The following DNM3 variants were observed in gnomAD, a reference collection of about 807,000 sequenced individuals.
The protein encoded by DNM3 is dynamin-3.
Under a neutral mutation model 101.6 loss-of-function variants are expected in DNM3, and 47 were observed. The ratio of observed to expected loss-of-function variants is 0.46; its 90% CI spans 0.37 to 0.59. The LOEUF (loss-of-function observed/expected upper bound fraction) is 0.59, where lower values mean the gene tolerates loss of function less well. DNM3 is among the 20% of genes least tolerant of loss of function. The pLI is 0.00. For synonymous variants in DNM3, 385 were observed against 387.9 expected (o/e 0.99, Z 0.09); for missense variants, 849 against 1,085.7 (o/e 0.78, Z 3.06).
chr1:172,104,115 T>C (rs550528232), intron 13 of DNM3, among the ~76,000 whole-genome samples: 1 of 152,356 alleles, frequency 6.6e-6, no homozygotes, highest in East Asian at 1.9e-4. Context: ...TATTATTTTC[T>C]TATTGATTTT....
chr1:172,119,535 A>G (rs2056163582), intron 13 of DNM3, among the ~76,000 whole-genome samples: 1 of 152,056 alleles, frequency 6.6e-6, no homozygotes, highest in South Asian at 2.1e-4. Context: ...CTCCTCCCAG[A>G]CATTGCACGT....
intron 20 of DNM3, among the ~76,000 whole-genome samples, chr1:172,406,231 C>A (rs1162092636): frequency 6.6e-6 from 1 of 151,918 alleles, no homozygotes; most frequent in Non-Finnish European, 1.5e-5. Flanking sequence ...TGAAGTAAGT[C>A]TTAAATGATT....
At chr1:172,323,602 A>C (rs2065821897) in intron 17 of DNM3, among the ~76,000 whole-genome samples, 1 of 152,202 alleles carries the variant, frequency 6.6e-6, no homozygotes. Flanking sequence ...ATAAGGAAAG[A>C]GCTCCCACAC....
chr1:171,966,393 C>CA (rs1170320454), intron 2 of DNM3, among the ~76,000 whole-genome samples: 1 of 151,700 alleles, frequency 6.6e-6, no homozygotes, highest in Non-Finnish European at 1.5e-5. Context: ...CCTTCATGGG[C>CA]AGAGGGTGGG....
At chr1:172,276,255 C>A (rs1466730702) in intron 15 of DNM3, among the ~76,000 whole-genome samples, 1 of 151,904 alleles carries the variant, frequency 6.6e-6, no homozygotes, top group Non-Finnish European at 1.5e-5. Context: ...CAAAAAGAAA[C>A]AAATGGTAAA....
chr1:171,987,284 AG>A, intron 2 of DNM3: 2 of 984,888 alleles, frequency 2.0e-6, no homozygotes, highest in Non-Finnish European at 2.4e-6. Flanking sequence ...GATACTGAAG[AG>A]GGGAATGCTA....
intron 13 of DNM3, among the ~76,000 whole-genome samples, chr1:172,115,080 C>T (rs1306902582): frequency 1.3e-5 from 2 of 152,156 alleles, no homozygotes; most frequent in Non-Finnish European, 2.9e-5. Flanking sequence ...CATTTGTATC[C>T]ATATGAAACA....
At chr1:172,292,850 A>C (rs959684168) in intron 15 of DNM3, among the ~76,000 whole-genome samples, 1 of 152,208 alleles carries the variant, frequency 6.6e-6, no homozygotes, top group Non-Finnish European at 1.5e-5. Context: ...GACCCTCCCA[A>C]AAAATGACTA....
At chr1:171,995,689 G>C (rs2045951476) in intron 4 of DNM3, among the ~76,000 whole-genome samples, 1 of 152,090 alleles carries the variant, frequency 6.6e-6, no homozygotes, top group Non-Finnish European at 1.5e-5. Context: ...TTACCCTGTT[G>C]GTCTTCAGGA....
chr1:171,956,314 A>G (rs183424477), intron 2 of DNM3, among the ~76,000 whole-genome samples: 1 of 152,362 alleles, frequency 6.6e-6, no homozygotes, highest in East Asian at 1.9e-4. Flanking sequence ...CCCACTGGAT[A>G]AATACACCCA....
chr1:171,999,858 T>G (rs1220769603), intron 4 of DNM3, among the ~76,000 whole-genome samples: 1 of 152,000 alleles, frequency 6.6e-6, no homozygotes, highest in African/African-American at 2.4e-5. Flanking sequence ...AGCCAAAGAA[T>G]GCTAGGAGTC....
At chr1:171,990,007 T>G (rs1286180286) in intron 4 of DNM3, among the ~76,000 whole-genome samples, 2 of 152,182 alleles carry the variant, frequency 1.3e-5, no homozygotes, top group Non-Finnish European at 2.9e-5. Context: ...CTGCAAGATT[T>G]TATCAACTTT....
chr1:172,166,013 C>T (rs1235834128), intron 14 of DNM3, among the ~76,000 whole-genome samples: 1 of 152,014 alleles, frequency 6.6e-6, no homozygotes, highest in Non-Finnish European at 1.5e-5. Context: ...CCCTGGCCAG[C>T]TTAGAGGGTC....
At chr1:172,177,459 C>A (rs1303223531) in intron 14 of DNM3, among the ~76,000 whole-genome samples, 1 of 151,802 alleles carries the variant, frequency 6.6e-6, no homozygotes, top group Admixed American at 6.6e-5. Context: ...TTTGGACATC[C>A]ACTGTGGATC....
intron 15 of DNM3, among the ~76,000 whole-genome samples, chr1:172,265,868 G>C (rs955348411): frequency 6.6e-6 from 1 of 152,130 alleles, no homozygotes; most frequent in African/African-American, 2.4e-5. Context: ...TATTTTCTGA[G>C]CACTCCTTGG....
intron 1 of DNM3, among the ~76,000 whole-genome samples, chr1:171,896,993 C>T (rs2037869698): frequency 6.6e-6 from 1 of 152,148 alleles, no homozygotes; most frequent in African/African-American, 2.4e-5. Flanking sequence ...AGATTTAAGT[C>T]TTTTGGACCA....
chr1:172,140,875 A>C (rs1035710149), intron 14 of DNM3, among the ~76,000 whole-genome samples: 3 of 152,060 alleles, frequency 2.0e-5, no homozygotes, highest in Non-Finnish European at 4.4e-5. Context: ...AAAAGATGAA[A>C]GACTGAAAAC....
intron 2 of DNM3, among the ~76,000 whole-genome samples, chr1:171,922,766 T>C (rs1334140749): frequency 6.6e-6 from 1 of 152,256 alleles, no homozygotes; most frequent in African/African-American, 2.4e-5. Flanking sequence ...GATTTCCCTA[T>C]TCTGGACATG....
chr1:172,342,301 T>C (rs1046169973), intron 17 of DNM3, among the ~76,000 whole-genome samples: 1 of 152,190 alleles, frequency 6.6e-6, no homozygotes, highest in Admixed American at 6.5e-5. Context: ...TAAGGACACA[T>C]GCATGCATAT....
Sources: gnomAD v4.1 joint callset for allele counts (sites outside exome capture counted in the v4.1 genomes callset) on GRCh38, gnomAD v4.1.1 for gene constraint, MANE v1.5 for transcripts, NCBI Gene and HGNC (gene_info 2026-07-23, HGNC 2026-07-21) for gene names.